Variants in TLN2 observed in about 807,000 individuals in gnomAD.
TLN2 encodes the protein talin 2, also known as talin-2.
In TLN2, 118 loss-of-function variants were observed where a neutral mutation model predicts 294.7. The ratio of observed to expected loss-of-function variants is 0.40; its 90% confidence interval spans 0.34 to 0.47. TLN2 has a LOEUF of 0.47. Among genes scored for constraint, TLN2 ranks in the 20% least tolerant of loss-of-function variants. The pLI is 0.84. For missense variants in TLN2, 3,083 were observed against 3,282.2 expected (o/e 0.94, Z 1.48); for synonymous variants, 1,431 against 1,304.5 (o/e 1.10, Z -2.09).
intron 37 of TLN2, among the ~76,000 whole-genome samples, chr15:62,761,185 CCAT>C (rs2062641527): frequency 6.6e-6 from 1 of 152,158 alleles, no homozygotes; most frequent in Non-Finnish European, 1.5e-5. Context: ...TGCCTTGCCT[CCAT>C]CAGTCATTAG....
At chr15:62,639,739 T>TGTA (rs546436227) in intron 3 of TLN2, among the ~76,000 whole-genome samples, 55 of 151,688 alleles carry the variant, frequency 3.6e-4, no homozygotes, top group African/African-American at 1.2e-3. Context: ...TAGGGGAGCC[T>TGTA]CTCCACTCAG....
At chr15:62,617,666 C>A (rs1421756959) in intron 2 of TLN2, among the ~76,000 whole-genome samples, 1 of 152,182 alleles carries the variant, frequency 6.6e-6, no homozygotes, top group Non-Finnish European at 1.5e-5. Context: ...GGTGCCGTGA[C>A]AGCATCTGTC....
chr15:62,449,973 TTTGGGC>T (rs938616148), intron 1 of TLN2, among the ~76,000 whole-genome samples: 5 of 152,188 alleles, frequency 3.3e-5, no homozygotes, highest in Non-Finnish European at 7.3e-5. Flanking sequence ...TGTAAAAGAA[TTTGGGC>T]TCCTGGTGGA....
At chr15:62,773,586 T>A (rs1431711287) in intron 42 of TLN2, among the ~76,000 whole-genome samples, 1 of 152,150 alleles carries the variant, frequency 6.6e-6, no homozygotes, top group Non-Finnish European at 1.5e-5. Flanking sequence ...GTGTTATTCT[T>A]TGGACACATA....
chr15:62,825,704 A>G (rs1206092361), intron 54 of TLN2, among the ~76,000 whole-genome samples: 5 of 126,548 alleles, frequency 4.0e-5, no homozygotes, highest in Admixed American at 9.9e-5. Context: ...AATACAATAT[A>G]TATATAAATA....
intron 43 of TLN2, among the ~76,000 whole-genome samples, chr15:62,777,461 A>G (rs984867065): frequency 1.9e-4 from 28 of 151,190 alleles, no homozygotes; most frequent in African/African-American, 6.8e-4. Flanking sequence ...GCTTGAACCC[A>G]GGAGGCAGAG....
rs529716898 is a variant in TLN2 at position 62,402,616 on chromosome 15, G to C, written c.-238+11931G>C. Among the ~76,000 whole-genome samples the C allele has an allele frequency of 1.2e-4, 18 of 152,324 alleles. 1 individual carries two copies. The highest frequency in any genetic ancestry group is 3.4e-3 in the Middle Eastern group (1 of 294). On this transcript the variant is annotated intron_variant, in intron 1 of 58. Transcript: ENST00000636159. ...CTTCAGGCTGATGATCCTGCCTAGA[G>C]AAAACACATATCTCTCTGCATTGTC...
At chr15:62,581,991 C>T (rs2045083838) in intron 1 of TLN2, among the ~76,000 whole-genome samples, 1 of 151,392 alleles carries the variant, frequency 6.6e-6, no homozygotes, top group Admixed American at 6.6e-5. Flanking sequence ...TTGCAGTGAG[C>T]CAAGATTGTG....
intron 1 of TLN2, among the ~76,000 whole-genome samples, chr15:62,478,040 G>A (rs1263361207): frequency 6.6e-6 from 1 of 152,232 alleles, no homozygotes; most frequent in Admixed American, 6.5e-5. Flanking sequence ...ATAGTTAACA[G>A]CTCTAACAGC....
chr15:62,765,614 A>G lies in TLN2; in HGVS notation c.5095-707A>G, dbSNP rs114948512. ...ACAGAGGGATCTGATCTTTCCTGCCACTGGCTAAGAATCTCCACCTTTGAA... is the reference window on the plus strand; with the variant it reads ...ACAGAGGGATCTGATCTTTCCTGCCGCTGGCTAAGAATCTCCACCTTTGAA... On this transcript the variant is annotated intron_variant, in intron 40 of 58. Transcript: ENST00000636159. 7.1e-3 allele frequency among the ~76,000 whole-genome samples: 1,088 copies of G among 152,298 alleles called. 12 individuals are homozygous for G. Among genetic ancestry groups the G allele is most frequent in the African/African-American group, 0.025 (1,041 of 41,556 alleles).
intron 8 of TLN2, 136 bp downstream of exon 8, chr15:62,656,222 G>A: frequency 2.8e-6 from 3 of 1,088,202 alleles, no homozygotes; most frequent in Non-Finnish European, 3.9e-6. Flanking sequence ...CTGCTCGTGG[G>A]TCCCCGCATG....
intron 1 of TLN2, among the ~76,000 whole-genome samples, chr15:62,570,836 C>A (rs961759642): frequency 3.3e-5 from 5 of 152,010 alleles, no homozygotes; most frequent in Admixed American, 6.6e-5. Context: ...CTGGCTAAGC[C>A]AATCTTCTCC....
intron 2 of TLN2, among the ~76,000 whole-genome samples, chr15:62,598,300 G>A (rs1209558944): frequency 6.6e-6 from 1 of 152,128 alleles, no homozygotes; most frequent in Non-Finnish European, 1.5e-5. Context: ...TTTTATAGGT[G>A]GGAAAAGACT....
At chr15:62,795,981 A>T in intron 46 of TLN2, 146 bp from the exon 47 acceptor site, 1 of 1,056,404 alleles carries the variant, frequency 9.5e-7, no homozygotes, top group Non-Finnish European at 1.3e-6. Context: ...GCTGGTATCC[A>T]GACTGAGGCC....
At chr15:62,719,619 T>C in intron 24 of TLN2, 148 bp from the exon 25 acceptor site, 1 of 534,976 alleles carries the variant, frequency 1.9e-6, no homozygotes, top group South Asian at 3.0e-5. Flanking sequence ...CCCAGCTGGC[T>C]TAATGTGCAG....
intron 22 of TLN2, among the ~76,000 whole-genome samples, chr15:62,714,772 A>G (rs146158513): frequency 1.7e-3 from 263 of 152,350 alleles, no homozygotes; most frequent in Admixed American, 4.6e-3. Context: ...CAGAAAAAAT[A>G]TATTTCATGA....
chr15:62,396,017 G>A (rs1442274822), intron 1 of TLN2, among the ~76,000 whole-genome samples: 1 of 151,776 alleles, frequency 6.6e-6, no homozygotes, highest in Non-Finnish European at 1.5e-5. Flanking sequence ...TGTGTTTTTA[G>A]TAGAGACAGA....
At chr15:62,633,374 A>G (rs1462734365) in intron 3 of TLN2, among the ~76,000 whole-genome samples, 1 of 152,214 alleles carries the variant, frequency 6.6e-6, no homozygotes, top group Non-Finnish European at 1.5e-5. Flanking sequence ...ATAGCTCACT[A>G]CAGCCTTGAA....
At chr15:62,582,221 C>CACACACACACATAT (rs1222510736) in intron 1 of TLN2, among the ~76,000 whole-genome samples, 2 of 142,552 alleles carry the variant, frequency 1.4e-5, no homozygotes, top group Non-Finnish European at 3.1e-5. Context: ...CACACACACA[C>CACACACACACATAT]ACACACACAC....
Sources: gnomAD v4.1 joint callset for allele counts (sites outside exome capture counted in the v4.1 genomes callset) on GRCh38, gnomAD v4.1.1 for gene constraint, MANE v1.5 for transcripts, NCBI Gene and HGNC (gene_info 2026-07-23, HGNC 2026-07-21) for gene names.